BAIAP2: variants seen among roughly 807,000 people sequenced by gnomAD.
BAIAP2 encodes BAR/IMD domain-containing adapter protein 2.
A neutral mutation model predicts 63.0 loss-of-function variants in BAIAP2; 18 were observed. The observed-to-expected ratio is 0.29, with a 90% CI of 0.20 to 0.42. BAIAP2 has a LOEUF of 0.42. Among genes scored for constraint, BAIAP2 ranks in the 10% least tolerant of loss-of-function variants. The probability of loss-of-function intolerance (pLI) is 1.00; values close to 1 mark genes in which losing one functional copy is unlikely to be tolerated. For synonymous variants in BAIAP2, 386 were observed against 307.6 expected (o/e 1.25, Z -2.67); for missense variants, 610 against 734.3 (o/e 0.83, Z 1.96).
At chr17:81,102,627 T>C (rs1598793733) in intron 7 of BAIAP2, among the ~76,000 whole-genome samples, 1 of 151,904 alleles carries the variant, frequency 6.6e-6, no homozygotes, top group Non-Finnish European at 1.5e-5. Context: ...AGCAGAGGGG[T>C]AGGGGTGGCA....
At chr17:81,079,085 C>A (rs1423686880) in intron 3 of BAIAP2, among the ~76,000 whole-genome samples, 6 of 152,190 alleles carry the variant, frequency 3.9e-5, no homozygotes, top group Non-Finnish European at 8.8e-5. Context: ...GCCCTCTCCG[C>A]CAGGTGCTGC....
In BAIAP2 at chr17:81,057,971, AGACC is replaced by A; in HGVS notation, c.217+5_217+8del. On this transcript the variant is annotated splice_donor_5th_base_variant and intron_variant, in intron 3 of 13. Transcript: ENST00000428708. ...AGCCAGGGCTCCAAAGAACTCGGTG[AGACC>A]CCCCCCCCCCCCCCGCCTGGTAGTC... 1 of 664,802 alleles carries A rather than the reference AGACC, an allele frequency of 1.5e-6. No homozygotes were observed. Among genetic ancestry groups the A allele is most frequent in the African/African-American group, 3.4e-5 (1 of 29,082 alleles). The allele number at this position is 664,802 out of a possible 1,614,324, so 41.2% of individuals were successfully genotyped here.
At chr17:81,048,129 A>G (rs1198719701) in intron 1 of BAIAP2, among the ~76,000 whole-genome samples, 1 of 152,182 alleles carries the variant, frequency 6.6e-6, no homozygotes, top group Non-Finnish European at 1.5e-5. Context: ...TCTCGCCTGT[A>G]ATCCCAGCAC....
At chr17:81,095,613 G>C (rs1275371605) in intron 6 of BAIAP2, among the ~76,000 whole-genome samples, 1 of 152,142 alleles carries the variant, frequency 6.6e-6, no homozygotes, top group Non-Finnish European at 1.5e-5. Flanking sequence ...TCATGTGGGG[G>C]CTCCAAGGCA....
intron 1 of BAIAP2, among the ~76,000 whole-genome samples, chr17:81,052,873 A>G (rs1205475057): frequency 6.6e-6 from 1 of 152,160 alleles, no homozygotes; most frequent in Non-Finnish European, 1.5e-5. Flanking sequence ...TCAGGATCAC[A>G]TCATAACAAA....
At chr17:81,080,587 A>G (rs1251009002) in intron 3 of BAIAP2, among the ~76,000 whole-genome samples, 1 of 152,206 alleles carries the variant, frequency 6.6e-6, no homozygotes, top group Non-Finnish European at 1.5e-5. Context: ...TTTTGGATTC[A>G]GCAGTCCCTT....
intron 7 of BAIAP2, among the ~76,000 whole-genome samples, chr17:81,102,378 A>G (rs1427698072): frequency 1.3e-5 from 2 of 152,096 alleles, no homozygotes; most frequent in Non-Finnish European, 2.9e-5. Flanking sequence ...GCGCCACCCA[A>G]GACTCACTCC....
intron 1 of BAIAP2, among the ~76,000 whole-genome samples, chr17:81,049,805 C>T (rs2048381566): frequency 1.3e-5 from 2 of 152,254 alleles, no homozygotes; most frequent in South Asian, 2.1e-4. Flanking sequence ...GCCCCCGGAC[C>T]AGGACCTTGG....
intron 2 of BAIAP2, among the ~76,000 whole-genome samples, chr17:81,056,668 G>A (rs1373884217): frequency 2.0e-5 from 3 of 152,224 alleles, no homozygotes; most frequent in Admixed American, 6.5e-5. Flanking sequence ...GAGGGTGGCG[G>A]GGCTGAGTGT....
chr17:81,101,700 AG>A (rs1207506990), intron 7 of BAIAP2, among the ~76,000 whole-genome samples: 1 of 152,228 alleles, frequency 6.6e-6, no homozygotes, highest in Non-Finnish European at 1.5e-5. Flanking sequence ...GGGGACAGCC[AG>A]GAGACAAGTG....
intron 6 of BAIAP2, among the ~76,000 whole-genome samples, chr17:81,095,628 G>T (rs757717897): frequency 6.6e-6 from 1 of 152,132 alleles, no homozygotes; most frequent in Non-Finnish European, 1.5e-5. Context: ...AAGGCAGGAG[G>T]TGTCAGCTCC....
chr17:81,059,250 G>C (rs1444479955), intron 3 of BAIAP2, among the ~76,000 whole-genome samples: 2 of 152,338 alleles, frequency 1.3e-5, no homozygotes, highest in Non-Finnish European at 2.9e-5. Context: ...CTGGGGAGGA[G>C]AGGAGGAGGC....
At chr17:81,073,674 C>T (rs1182863119) in intron 3 of BAIAP2, among the ~76,000 whole-genome samples, 1 of 152,180 alleles carries the variant, frequency 6.6e-6, no homozygotes, top group African/African-American at 2.4e-5. Flanking sequence ...CAGTCTTTTT[C>T]ACTGTCTCTG....
At chr17:81,115,664 G>T in intron 13 of BAIAP2, 106 bp from the exon 14 acceptor site, 1 of 1,338,794 alleles carries the variant, frequency 7.5e-7, no homozygotes, top group East Asian at 2.3e-5. Context: ...AGATCGGACC[G>T]TAGGCATCCA....
intron 13 of BAIAP2, among the ~76,000 whole-genome samples, chr17:81,111,719 T>A (rs1398059169): frequency 6.6e-6 from 1 of 152,224 alleles, no homozygotes; most frequent in Non-Finnish European, 1.5e-5. Flanking sequence ...GGTGTATATT[T>A]GGGATGTGCC....
intron 1 of BAIAP2, among the ~76,000 whole-genome samples, chr17:81,051,822 TG>T: frequency 6.6e-6 from 1 of 152,330 alleles, no homozygotes; most frequent in East Asian, 1.9e-4. Context: ...CCTGAGTAGC[TG>T]GGACTACAGG....
chr17:81,116,036 A>G lies in BAIAP2; in HGVS notation c.*197A>G, dbSNP rs955805502. ...GGCAGAGTGGGGCGCAGGCCCCTGA[A>G]GGGCGAGACCCAGTGGCTGGGCTGC... On this transcript the variant is annotated 3_prime_UTR_variant, in exon 14 of 14. Transcript: ENST00000428708. The G allele has an allele frequency of 2.7e-6, 4 of 1,458,224 alleles. No homozygotes were observed. The African/African-American group carries it at 5.7e-5, about 21-fold the overall frequency. The allele number at this position is 1,458,224 out of a possible 1,614,324, so 90.3% of individuals were successfully genotyped here. A position where few individuals can be genotyped will look rare whatever the true frequency, so the allele number is the denominator to read the frequency against.
chr17:81,097,001 G>A (rs975395316), intron 6 of BAIAP2, among the ~76,000 whole-genome samples: 3 of 152,140 alleles, frequency 2.0e-5, no homozygotes, highest in African/African-American at 4.8e-5. Context: ...AGGAGGCAGC[G>A]GCAGTGGGGG....
intron 6 of BAIAP2, among the ~76,000 whole-genome samples, chr17:81,088,684 C>T (rs546009244): frequency 1.9e-4 from 29 of 152,372 alleles, no homozygotes; most frequent in Non-Finnish European, 1.6e-4. Flanking sequence ...CGCCAGCCTC[C>T]TCCCCTCTTA....
Sources: allele counts gnomAD v4.1 joint callset (sites outside exome capture counted in the v4.1 genomes callset), GRCh38; gene constraint gnomAD v4.1.1; transcripts MANE v1.5; gene names NCBI Gene and HGNC (gene_info 2026-07-23, HGNC 2026-07-21).